The following DPP6 variants were observed in gnomAD, a reference collection of about 807,000 sequenced individuals.
The protein encoded by DPP6 is A-type potassium channel modulatory protein DPP6.
DPP6 carries 69 observed loss-of-function variants against 122.6 expected under a neutral mutation model. That is an observed-to-expected ratio of 0.56 (90% CI 0.46 to 0.69). The LOEUF is 0.69. Ranked by LOEUF, DPP6 falls within the 30% of genes least tolerant of loss-of-function variation. The probability of loss-of-function intolerance (pLI) is 0.00; values close to 1 mark genes in which losing one functional copy is unlikely to be tolerated. For synonymous variants in DPP6, 418 were observed against 433.1 expected (o/e 0.97, Z 0.43); for missense variants, 928 against 1,116.9 (o/e 0.83, Z 2.41).
chr7:153,863,042 T>C, the DPP6 span, among the ~76,000 whole-genome samples: 1 of 152,204 alleles, frequency 6.6e-6, no homozygotes, highest in Admixed American at 6.5e-5. Flanking sequence ...TAATATCCTA[T>C]CTTAAACATT....
intron 1 of DPP6, among the ~76,000 whole-genome samples, chr7:154,353,294 A>G (rs1811021101): frequency 6.6e-6 from 1 of 152,222 alleles, no homozygotes; most frequent in Non-Finnish European, 1.5e-5. Flanking sequence ...TTCTCGTAGC[A>G]AGAGTCTGGA....
intron 7 of DPP6, among the ~76,000 whole-genome samples, chr7:154,698,841 C>T (rs1205218624): frequency 5.3e-5 from 8 of 152,232 alleles, no homozygotes; most frequent in Non-Finnish European, 7.3e-5. Context: ...CCAGAGGCAG[C>T]GACTTCTGAG....
At chr7:154,058,679 T>C (rs1801172284) in intron 1 of DPP6, 1 of 147,470 alleles carries the variant, frequency 6.8e-6, no homozygotes, top group Non-Finnish European at 1.5e-5. Context: ...CTGCGGGTGG[T>C]AGGTGTCCAA....
At chr7:154,864,970 C>T (rs1364631418) in intron 17 of DPP6, among the ~76,000 whole-genome samples, 1 of 152,228 alleles carries the variant, frequency 6.6e-6, no homozygotes, top group Non-Finnish European at 1.5e-5. Flanking sequence ...TAACCTTCTC[C>T]TTCATGACCA....
chr7:154,678,198 G>A (rs1839040914), intron 7 of DPP6, among the ~76,000 whole-genome samples: 1 of 152,118 alleles, frequency 6.6e-6, no homozygotes, highest in Non-Finnish European at 1.5e-5. Context: ...GATGGGGGCG[G>A]GCCAAATAAG....
chr7:154,867,671 C>A (rs1348742873), intron 17 of DPP6, among the ~76,000 whole-genome samples: 3 of 152,182 alleles, frequency 2.0e-5, no homozygotes, highest in Non-Finnish European at 2.9e-5. Context: ...TTTCTTAAAA[C>A]CAGCAGTCAT....
intron 5 of DPP6, among the ~76,000 whole-genome samples, chr7:154,623,520 G>A (rs1215185505): frequency 1.3e-5 from 2 of 152,140 alleles, no homozygotes; most frequent in Non-Finnish European, 2.9e-5. Context: ...GCCCAGAAAA[G>A]GGGAGAGGAT....
At chr7:154,664,124 C>T (rs1201667739) in intron 6 of DPP6, among the ~76,000 whole-genome samples, 1 of 148,144 alleles carries the variant, frequency 6.8e-6, no homozygotes, top group African/African-American at 2.4e-5. Flanking sequence ...CATGGTGAAT[C>T]ACCATGGCGT....
At chr7:154,231,032 A>G (rs1006183932) in intron 1 of DPP6, among the ~76,000 whole-genome samples, 1 of 152,214 alleles carries the variant, frequency 6.6e-6, no homozygotes, top group African/African-American at 2.4e-5. Flanking sequence ...ACTTCTTGAA[A>G]GATAGAATTT....
chr7:154,487,138 T>C (rs938030031), intron 3 of DPP6, among the ~76,000 whole-genome samples: 20 of 152,304 alleles, frequency 1.3e-4, no homozygotes, highest in Middle Eastern at 6.8e-3. Context: ...TCTTCTTTTT[T>C]TGTTTTTGCT....
chr7:154,019,723 G>C (rs1431336642), intron 1 of DPP6, among the ~76,000 whole-genome samples: 2 of 152,150 alleles, frequency 1.3e-5, no homozygotes, highest in African/African-American at 2.4e-5. Flanking sequence ...AAATTCTAAA[G>C]ATGGTGTTAT....
chr7:154,589,157 C>T (rs973961750), intron 5 of DPP6, among the ~76,000 whole-genome samples: 2 of 152,162 alleles, frequency 1.3e-5, no homozygotes, highest in Non-Finnish European at 2.9e-5. Context: ...TGAGCAGGTG[C>T]CTCCTAACGC....
At chr7:154,749,198 A>G (rs13233977) in intron 8 of DPP6, among the ~76,000 whole-genome samples, 1 of 138,338 alleles carries the variant, frequency 7.2e-6, no homozygotes, top group Non-Finnish European at 1.6e-5. Flanking sequence ...TGGCGGCTTT[A>G]CTGAGAGAGG....
chr7:154,774,030 G>C (rs994182964), intron 10 of DPP6, among the ~76,000 whole-genome samples: 19 of 152,162 alleles, frequency 1.2e-4, no homozygotes, highest in African/African-American at 4.3e-4. Context: ...TTATAATGTT[G>C]TAAGATCCCC....
chr7:153,888,051 G>T (rs965337172), intron 1 of DPP6, among the ~76,000 whole-genome samples: 4 of 152,178 alleles, frequency 2.6e-5, no homozygotes, highest in Non-Finnish European at 4.4e-5. Flanking sequence ...GTCGGTCCGA[G>T]CCCCAAGCAG....
At chr7:154,093,667 CTT>C (rs1198181907) in intron 1 of DPP6, 3 of 132,926 alleles carry the variant, frequency 2.3e-5, no homozygotes, top group African/African-American at 7.9e-5. Context: ...TAAAAAAAAA[CTT>C]CTGTTGAGGC....
intron 1 of DPP6, among the ~76,000 whole-genome samples, chr7:154,207,055 G>A (rs1799485507): frequency 6.6e-6 from 1 of 152,170 alleles, no homozygotes; most frequent in Admixed American, 6.5e-5. Flanking sequence ...CACAAAAGTG[G>A]GGCCTTTGCG....
chr7:153,762,091 C>T, the DPP6 span, among the ~76,000 whole-genome samples: 42 of 152,264 alleles, frequency 2.8e-4, no homozygotes, highest in Admixed American at 2.2e-3. Context: ...AAACATTTTC[C>T]GCTTCCCCAC....
Position 154,696,247 on chromosome 7 carries a change from C to T in DPP6, c.762+26806C>T, listed in dbSNP as rs372035863. Among the ~76,000 whole-genome samples, 45 of 152,306 alleles carry T rather than the reference C, an allele frequency of 3.0e-4. 1 individual carries two copies. In the South Asian group the frequency reaches 8.7e-3, roughly 29 times the overall value. ...ACACGGGGCACAGCCACCCGGGCCC[C>T]TGGGTGTGGAGTAACCTAAGAAGTC... On this transcript the variant is annotated intron_variant, in intron 7 of 25. Coordinates refer to ENST00000377770, the MANE Select transcript of DPP6 (RefSeq NM_130797.4).
Sources: gnomAD v4.1 joint callset for allele counts (sites outside exome capture counted in the v4.1 genomes callset) on GRCh38, gnomAD v4.1.1 for gene constraint, MANE v1.5 for transcripts, NCBI Gene and HGNC (gene_info 2026-07-23, HGNC 2026-07-21) for gene names.